The following TMEM63A variants were observed in gnomAD, a reference collection of about 807,000 sequenced individuals.
The protein encoded by TMEM63A is mechanosensitive cation channel TMEM63A.
Under a neutral mutation model 100.6 loss-of-function variants are expected in TMEM63A, and 76 were observed. The observed-to-expected ratio is 0.76, with a 90% CI of 0.63 to 0.91. The LOEUF (loss-of-function observed/expected upper bound fraction) is 0.91. Ranked by LOEUF, TMEM63A falls within the 40% of genes least tolerant of loss-of-function variation. The pLI is 0.00. For synonymous variants in TMEM63A, 401 were observed against 401.1 expected, an observed-to-expected ratio of 1.00 and a Z score of 0.00; for missense variants, 876 against 1,008.8, an observed-to-expected ratio of 0.87 and a Z score of 1.78.
chr1:225,859,605 A>G (rs1669830301), intron 14 of TMEM63A: 3 of 477,548 alleles, frequency 6.3e-6, no homozygotes, highest in East Asian at 3.9e-5. Flanking sequence ...GCACCCAAGC[A>G]GGCCAAACAA....
At chr1:225,869,723 G>C (rs1228529835) in intron 6 of TMEM63A, among the ~76,000 whole-genome samples, 1 of 132,560 alleles carries the variant, frequency 7.5e-6, no homozygotes, top group Admixed American at 9.1e-5. Flanking sequence ...GTTGCAGTGG[G>C]GTGATCTTGG....
At chr1:225,844,138 G>A (rs1668688154), downstream of TMEM63A, among the ~76,000 whole-genome samples, 1 of 152,180 alleles carries the variant, frequency 6.6e-6, no homozygotes, top group South Asian at 2.1e-4. Context: ...AAGGAGCTTA[G>A]AACATGCTGC....
Position 225,849,980 on chromosome 1 carries a change from A to G in TMEM63A, c.2003T>C (p.Val668Ala). The G allele has an allele frequency of 6.2e-7, 1 of 1,614,238 alleles. No individual in the cohort carries two copies. ...GATGGGGGCTGCCAAGGCCTGGTTC[A>G]CAGCGGCAAAGTGGATCCCCTTCTC... ...KLEKGIHFAAVNQALAAPILC... is the reference protein window; with the variant it reads ...KLEKGIHFAAANQALAAPILC... The change falls in exon 21 of 25, where the codon GTG (valine) becomes GCG (alanine). Residue 668 changes from valine to alanine, a missense_variant. Val to Ala is a moderately conservative substitution (Grantham distance 64). Transcript: ENST00000366835.
chr1:225,871,188 C>T lies in TMEM63A; in HGVS notation c.334-75G>A, dbSNP rs143558717. On this transcript the variant is annotated intron_variant, in intron 5 of 24. Coordinates refer to ENST00000366835, the MANE Select transcript of TMEM63A (RefSeq NM_014698.3). ...AGGCAGATGTAACCATTGTCTTTGA[C>T]ATTAAATAACCATTTAACCTCCTGT... 8.1e-6 allele frequency: 12 copies of T among 1,478,282 alleles called. No homozygotes were observed. In the East Asian group the frequency reaches 1.7e-4, roughly 20 times the overall value. 91.6% of individuals were successfully genotyped at this position (1,478,282 alleles called of 1,614,324 possible).
In TMEM63A at chr1:225,871,754, G is replaced by T; in HGVS notation, c.333+233C>A. Reference sequence around the variant, plus strand: ...TGTAAGAGAGAGAAGTGCTGGGGAAGCCCAAGGGATTCCGTACCCCTTCCT... The same window carrying T: ...TGTAAGAGAGAGAAGTGCTGGGGAATCCCAAGGGATTCCGTACCCCTTCCT... On this transcript the variant is annotated intron_variant, in intron 5 of 24. Coordinates refer to ENST00000366835, the MANE Select transcript of TMEM63A (RefSeq NM_014698.3). 2 of 532,576 alleles carry T rather than the reference G, an allele frequency of 3.8e-6. 1 individual carries two copies. The highest frequency in any genetic ancestry group is 5.5e-5 in the South Asian group (2 of 36,316). The allele number at this position is 532,576 out of a possible 1,614,324, so 33.0% of individuals were successfully genotyped here. A position where few individuals can be genotyped will look rare whatever the true frequency, so the allele number is the denominator to read the frequency against.
In TMEM63A at chr1:225,855,923, C is replaced by T. The variant is rs370848969; in HGVS notation, c.1589G>A (p.Arg530Gln). ...CGAGGAAGTTTTGTCAAAGAGCCAC[C>T]GGAAGAAAAAATCTAGACTGAAAAA... is the stretch of plus-strand genomic sequence containing the variant. ...LGLTSLDFFF[R>Q]WLFDKTSSEA... Residue 530 changes from arginine (R) to glutamine (Q), a missense_variant, in exon 18 of 25, where the codon CGG becomes CAG. Physicochemically the swap from Arg to Gln is conservative, Grantham distance 43 (BLOSUM62 1). Around this residue, in one of 5 missense-constraint regions of TMEM63A, gnomAD observed 487 missense variants for 581.9 expected, o/e 0.84. Coordinates refer to ENST00000366835, the MANE Select transcript of TMEM63A (RefSeq NM_014698.3). 1.5e-5 allele frequency: 24 copies of T among 1,613,870 alleles called. No individual in the cohort carries two copies. Among genetic ancestry groups the T allele is most frequent in the Non-Finnish European group, 1.9e-5 (22 of 1,179,964 alleles).
At chr1:225,860,750 T>A in intron 14 of TMEM63A, 110 bp downstream of exon 14, 4 of 1,343,448 alleles carry the variant, frequency 3.0e-6, no homozygotes, top group Non-Finnish European at 4.0e-6. Context: ...GAATTGCAGA[T>A]GTGTGGAGAT....
In TMEM63A at chr1:225,848,889, G is replaced by C; in HGVS notation, c.2187+8C>G. ...GCTTGACCGGGCAGTGGGGTCGGGG[G>C]CCTTTACTTTGTAGTTCAGAGGGCT... On this transcript the variant is annotated splice_region_variant and intron_variant, in intron 22 of 24. Coordinates refer to ENST00000366835, the MANE Select transcript of TMEM63A (RefSeq NM_014698.3). The C allele has an allele frequency of 6.4e-7, 1 of 1,573,414 alleles. No homozygotes were observed. Among genetic ancestry groups the C allele is most frequent in the Non-Finnish European group, 8.6e-7 (1 of 1,158,656 alleles).
rs765351852 is a variant in TMEM63A at position 225,862,513 on chromosome 1, A to G, written c.893T>C (p.Leu298Pro). The change falls in exon 12 of 25, where the codon CTC becomes CCC. Residue 298 changes from leucine (L) to proline (P), a missense_variant. Physicochemically the swap from Leu to Pro is moderately conservative, Grantham distance 98 (BLOSUM62 -3). Transcript: ENST00000366835. The surrounding 1 kb of genome is among the most constrained non-coding windows in gnomAD (Gnocchi z 5.1). ...NLQVKTGQRT[L>P]INPKPCGQFC... ...CTGGCCACAGGGCTTGGGGTTGATGAGGGTCCGCTGGCCTGTCTTCACCTG... is the reference window on the plus strand; with the variant it reads ...CTGGCCACAGGGCTTGGGGTTGATGGGGGTCCGCTGGCCTGTCTTCACCTG... 3.1e-6 allele frequency: 5 copies of G among 1,614,080 alleles called. 1 individual carries two copies. The South Asian group carries it at 5.5e-5, about 18-fold the overall frequency.
At chr1:225,860,657 G>A in intron 14 of TMEM63A, 1 of 442,880 alleles carries the variant, frequency 2.3e-6, no homozygotes, top group Non-Finnish European at 3.8e-6. Flanking sequence ...GCACTTGAAT[G>A]CTAGGGAGGA....
chr1:225,849,046 C>A (rs1669182025), intron 21 of TMEM63A, 34 bp from the exon 22 acceptor site: 3 of 733,032 alleles, frequency 4.1e-6, no homozygotes, highest in Admixed American at 2.3e-5. Flanking sequence ...TTGGGGTGGG[C>A]AGGGAGGGGC....
intron 3 of TMEM63A, 28 bp downstream of exon 3, chr1:225,877,367 G>A (rs1670857383): frequency 6.3e-7 from 1 of 1,586,268 alleles, no homozygotes; most frequent in Admixed American, 1.7e-5. Context: ...AACTGAGGCA[G>A]TGGGACACGA....
intron 13 of TMEM63A, 53 bp from the exon 14 acceptor site, chr1:225,861,050 C>T: frequency 1.9e-6 from 3 of 1,560,020 alleles, no homozygotes; most frequent in South Asian, 2.4e-5. Context: ...TTACCAAGCA[C>T]ACATGTGGCA....
intron 2 of TMEM63A, among the ~76,000 whole-genome samples, chr1:225,878,453 G>A (rs1670921963): frequency 6.6e-6 from 1 of 152,042 alleles, no homozygotes; most frequent in South Asian, 2.1e-4. Flanking sequence ...TAACTGCAAG[G>A]CCCAGCATTT....
At chr1:225,866,177 A>T in intron 9 of TMEM63A, 1 of 581,764 alleles carries the variant, frequency 1.7e-6, no homozygotes. Flanking sequence ...CTTCCAAAGC[A>T]ACTCTATGAG....
At chr1:225,855,764 T>C in intron 18 of TMEM63A, 114 bp downstream of exon 18, 1 of 1,029,994 alleles carries the variant, frequency 9.7e-7, no homozygotes, top group Non-Finnish European at 1.4e-6. Flanking sequence ...GGGAGGAAGA[T>C]GCCTGTTCAG....
chr1:225,855,797 C>A (rs1441267550), intron 18 of TMEM63A, 81 bp downstream of exon 18: 4 of 1,436,774 alleles, frequency 2.8e-6, no homozygotes, highest in Non-Finnish European at 3.9e-6. Context: ...CGACCGCCCC[C>A]ACCCATCCCA....
intron 21 of TMEM63A, 147 bp from the exon 22 acceptor site, chr1:225,849,159 AC>A: frequency 2.0e-6 from 1 of 511,940 alleles, no homozygotes. Flanking sequence ...CTAACCCCCC[AC>A]CCCCACCCCT....
chr1:225,857,399 G>GGGGGGCCCCCC, intron 15 of TMEM63A, among the ~76,000 whole-genome samples: 1 of 86,568 alleles, frequency 1.2e-5, no homozygotes, highest in Admixed American at 1.3e-4. Flanking sequence ...GGGGGGGGGT[G>GGGGGGCCCCCC]CCCTGCCTGC....
Sources: gnomAD v4.1 joint callset for allele counts (sites outside exome capture counted in the v4.1 genomes callset) on GRCh38, gnomAD v4.1.1 for gene constraint, gnomAD v4.1.1 regional missense constraint, Gnocchi (gnomAD v3.1) non-coding constraint, MANE v1.5 for transcripts, NCBI Gene and HGNC (gene_info 2026-07-23, HGNC 2026-07-21) for gene names.